RRP12: variants seen among roughly 807,000 people sequenced by gnomAD.
RRP12 encodes ribosomal RNA processing 12 homolog.
RRP12 carries 78 observed loss-of-function variants against 157.3 expected under a neutral mutation model. That is an observed-to-expected ratio of 0.50 (90% CI 0.41 to 0.60). RRP12 has a LOEUF of 0.60. Ranked by LOEUF, RRP12 falls within the 20% of genes least tolerant of loss-of-function variation. The pLI, the probability that RRP12 is intolerant of heterozygous loss-of-function variation, is 0.00. For synonymous variants in RRP12, 726 were observed against 670.9 expected (o/e 1.08, Z -1.27); for missense variants, 1,521 against 1,679.9 (o/e 0.91, Z 1.65).
At chr10:97,400,222 GAGACCTGTCGGCC>G in intron 2 of RRP12, 70 bp downstream of exon 2, 1 of 989,022 alleles carries the variant, frequency 1.0e-6, no homozygotes, top group Non-Finnish European at 1.6e-6. Context: ...GTTGTCATCG[GAGACCTGTCGGCC>G]AGAGCTGAAG....
In RRP12 at chr10:97,358,931, T is replaced by C; in HGVS notation, c.3708+12A>G. 6.2e-7 allele frequency: 1 copy of C among 1,610,772 alleles called. No individual in the cohort carries two copies. The highest frequency in any genetic ancestry group is 8.5e-7 in the Non-Finnish European group (1 of 1,177,210). ...GTGCCAGGAGACCCCATGCCCTACATGCAGCACTTACCTTGGCCTTGTATT... is the reference window on the plus strand; with the variant it reads ...GTGCCAGGAGACCCCATGCCCTACACGCAGCACTTACCTTGGCCTTGTATT... On this transcript the variant is annotated intron_variant, in intron 32 of 33. Transcript: ENST00000370992.
At position 97,394,963 on chromosome 10, in the gene RRP12, C is replaced by T. The variant is rs116232754; in HGVS notation, c.454-1203G>A. On this transcript the variant is annotated intron_variant, in intron 3 of 33. Transcript: ENST00000370992. ...CTCAAGACAAGCTTGGGCGACATGA[C>T]GAAACTCTGTCTCTACTAAAAATAC... Among the ~76,000 whole-genome samples, 1,310 of 151,082 alleles carry T rather than the reference C, an allele frequency of 8.7e-3. 21 individuals are homozygous for T. Among genetic ancestry groups the T allele is most frequent in the African/African-American group, 0.03 (1,217 of 41,160 alleles).
At chr10:97,373,500 G>T in intron 17 of RRP12, 75 bp downstream of exon 17, 1 of 1,443,266 alleles carries the variant, frequency 6.9e-7, no homozygotes, top group Non-Finnish European at 9.3e-7. Flanking sequence ...CTGGCAAGGA[G>T]TGTAGCAAGC....
intron 31 of RRP12, among the ~76,000 whole-genome samples, chr10:97,359,635 C>T (rs1843792737): frequency 6.6e-6 from 1 of 152,188 alleles, no homozygotes; most frequent in South Asian, 2.1e-4. Context: ...TCTGAGACGA[C>T]CAACACGAAC....
At chr10:97,393,856 GA>G in intron 3 of RRP12, 96 bp from the exon 4 acceptor site, 1 of 968,320 alleles carries the variant, frequency 1.0e-6, no homozygotes, top group Non-Finnish European at 1.6e-6. Flanking sequence ...GAACAGTTGT[GA>G]CTGAGAACCA....
At chr10:97,375,161 G>A (rs1844270914) in intron 15 of RRP12, among the ~76,000 whole-genome samples, 1 of 151,126 alleles carries the variant, frequency 6.6e-6, no homozygotes, top group African/African-American at 2.4e-5. Context: ...GTCTCACTCT[G>A]TTGCCCAGGC....
intron 25 of RRP12, among the ~76,000 whole-genome samples, chr10:97,368,755 G>C (rs1199621069): frequency 2.6e-5 from 4 of 152,208 alleles, no homozygotes; most frequent in Non-Finnish European, 4.4e-5. Context: ...CGAGGGCAGC[G>C]GGAGGGCATG....
Position 97,400,545 on chromosome 10 carries a change from G to T in RRP12, c.140-11C>A. The T allele has an allele frequency of 6.2e-7, 1 of 1,607,872 alleles. No individual in the cohort carries two copies. ...TCAGGTCACTCCTTCCTGAGAGCCA[G>T]AGGCACAAGATAAGGTCCAAGCCTC... On this transcript the variant is annotated splice_polypyrimidine_tract_variant and intron_variant, in intron 1 of 33. Coordinates refer to ENST00000370992, the MANE Select transcript of RRP12 (RefSeq NM_015179.4).
Position 97,357,105 on chromosome 10 carries a change from G to A in RRP12, c.3883C>T (p.Arg1295Cys), listed in dbSNP as rs191140594. The A allele has an allele frequency of 2.7e-5, 44 of 1,610,894 alleles. No homozygotes were observed. Among genetic ancestry groups the A allele is most frequent in the East Asian group, 1.6e-4 (7 of 44,798 alleles). The change falls in exon 34 of 34, where the codon CGT becomes TGT. Residue 1295 changes from arginine to cysteine, a missense_variant. Physicochemically the swap from Arg to Cys is radical, Grantham distance 180 (BLOSUM62 -3). Coordinates refer to ENST00000370992, the MANE Select transcript of RRP12 (RefSeq NM_015179.4). ...AGGGGCCCTGGGCCTCAGGGTCGAC[G>A]ATCCTTTCTGCGGTTTTTGTGTCCC... Reference protein sequence around the residue: ...QVGHKNRRKDRRP With the variant: ...QVGHKNRRKDCRP
chr10:97,358,785 G>A lies in RRP12; in HGVS notation c.3708+158C>T, dbSNP rs925207598. 3.8e-6 allele frequency: 3 copies of A among 787,448 alleles called. No individual in the cohort carries two copies. In the African/African-American group the frequency reaches 5.2e-5, roughly 14 times the overall value. 48.8% of individuals were successfully genotyped at this position (787,448 alleles called of 1,614,324 possible). On this transcript the variant is annotated intron_variant, in intron 32 of 33. Transcript: ENST00000370992. ...TTCAATAAGGTCCCCCATTTCAGAT[G>A]CCACAAGGTCTTAGCATCTGAACCC...
Position 97,400,358 on chromosome 10 carries a change from T to C in RRP12, c.316A>G (p.Thr106Ala), listed in dbSNP as rs896170507. Residue 106 changes from threonine (T) to alanine (A), a missense_variant, in exon 2 of 34, where the codon ACC becomes GCC. By Grantham distance (58) the Thr-to-Ala change is moderately conservative. Transcript: ENST00000370992. ...LSGLSDCTNVTFSKVQRFWES... is the reference protein window; with the variant it reads ...LSGLSDCTNVAFSKVQRFWES... ...CAGAAGCGCTGTACTTTGCTGAAGG[T>C]GACGTTTGTGCAGTCGGAAAGGCCA... is the stretch of plus-strand genomic sequence containing the variant. 6.2e-7 allele frequency: 1 copy of C among 1,613,682 alleles called. No individual in the cohort carries two copies. Among genetic ancestry groups the C allele is most frequent in the Non-Finnish European group, 8.5e-7 (1 of 1,179,966 alleles).
At position 97,390,806 on chromosome 10, in the gene RRP12, G is replaced by T; in HGVS notation, c.569C>A (p.Thr190Asn). ...SPVLIKKFSD[T>N]SKAFMDIMSA... ...CATGATATCCATGAAGGCTTTGGAG[G>T]TATCAGAGAACTTCTTAATAAGCAC... Residue 190 changes from threonine (T) to asparagine (N), a missense_variant, in exon 5 of 34, where the codon ACC (threonine) becomes AAC (asparagine). Thr to Asn is a moderately conservative substitution (Grantham distance 65). Coordinates refer to ENST00000370992, the MANE Select transcript of RRP12 (RefSeq NM_015179.4). The T allele has an allele frequency of 6.2e-7, 1 of 1,613,844 alleles. No homozygotes were observed. Among genetic ancestry groups the T allele is most frequent in the East Asian group, 2.2e-5 (1 of 44,882 alleles).
rs140585240 is a variant in RRP12, at chr10:97,357,815, C to T, written c.3792-619G>A. Among the ~76,000 whole-genome samples the T allele has an allele frequency of 1.1e-3, 163 of 151,732 alleles. 1 individual carries two copies. In the East Asian group the frequency reaches 0.028, roughly 26 times the overall value. On this transcript the variant is annotated intron_variant, in intron 33 of 33. Transcript: ENST00000370992. ...CTACTAAAAATACAAAAAAATTAGC[C>T]GGGTGTGGTGGCGGGTGCCTGTAGT...
chr10:97,372,660 C>T (rs1437350147), intron 19 of RRP12, 76 bp downstream of exon 19: 16 of 1,160,544 alleles, frequency 1.4e-5, no homozygotes, highest in Non-Finnish European at 1.8e-5. Context: ...AGAGGGAACC[C>T]ACAGTGCTTC....
At chr10:97,397,222 G>A (rs1332025644) in intron 2 of RRP12, among the ~76,000 whole-genome samples, 4 of 151,550 alleles carry the variant, frequency 2.6e-5, no homozygotes, top group East Asian at 2.0e-4. Context: ...ATGCAGTGGC[G>A]CACTCTCTGC....
intron 9 of RRP12, among the ~76,000 whole-genome samples, chr10:97,385,687 G>A (rs764451412): frequency 3.3e-5 from 5 of 152,122 alleles, no homozygotes; most frequent in Non-Finnish European, 7.4e-5. Flanking sequence ...CTAGGTCAAG[G>A]GTCAAGGTCC....
rs777305594 is a variant in RRP12, at chr10:97,371,035, T to G, written c.2390A>C (p.Glu797Ala). 1 of 1,613,640 alleles carries G rather than the reference T, an allele frequency of 6.2e-7. No homozygotes were observed. ...GGGGCCCTGAGGACTGGCACACACC[T>G]CCTCCAGCACTCGGTAGGCCTTCTT... Reference protein sequence around the residue: ...VQKKAYRVLEEVCASPQGPGA... With the variant: ...VQKKAYRVLEAVCASPQGPGA... Residue 797 changes from glutamate (E) to alanine (A), a missense_variant, in exon 21 of 34, where the codon GAG becomes GCG. Glu to Ala is a moderately radical substitution (Grantham distance 107). Transcript: ENST00000370992.
intron 8 of RRP12, among the ~76,000 whole-genome samples, chr10:97,387,643 T>TAAAAA (rs11316168): frequency 6.8e-6 from 1 of 146,210 alleles, no homozygotes. Context: ...TTAAAGCTGC[T>TAAAAA]AAAAAAAAAA....
intron 2 of RRP12, among the ~76,000 whole-genome samples, chr10:97,398,039 A>ATATATATATATGTATTT (rs1436494245): frequency 1.2e-4 from 7 of 56,036 alleles, no homozygotes; most frequent in Non-Finnish European, 2.2e-4. Flanking sequence ...ATATATACGT[A>ATATATATATATGTATTT]TTTTTTTTTT....
Sources: allele counts gnomAD v4.1 joint callset (sites outside exome capture counted in the v4.1 genomes callset), GRCh38; gene constraint gnomAD v4.1.1; transcripts MANE v1.5; gene names NCBI Gene and HGNC (gene_info 2026-07-23, HGNC 2026-07-21).